ASB8: variants seen among roughly 807,000 people sequenced by gnomAD.
ASB8 encodes ankyrin repeat and SOCS box containing 8.
Under a neutral mutation model 22.9 loss-of-function variants are expected in ASB8, and 15 were observed. That is an observed-to-expected ratio of 0.66 (90% CI 0.44 to 1.01). ASB8 has a LOEUF of 1.01. Ranked by LOEUF, ASB8 falls within the 50% of genes least tolerant of loss-of-function variation. The pLI, the probability that ASB8 is intolerant of heterozygous loss-of-function variation, is 0.00. For synonymous variants in ASB8, 124 were observed against 140.8 expected (o/e 0.88, Z 0.84); for missense variants, 294 against 356.9 (o/e 0.82, Z 1.42).
At chr12:48,155,088 C>T (rs1320595685) in intron 1 of ASB8, among the ~76,000 whole-genome samples, 1 of 152,158 alleles carries the variant, frequency 6.6e-6, no homozygotes, top group East Asian at 1.9e-4. Context: ...TTCAATTCAA[C>T]TTAAAAGGCT....
chr12:48,151,559 G>T, intron 2 of ASB8: 1 of 1,470,128 alleles, frequency 6.8e-7, no homozygotes, highest in Non-Finnish European at 9.1e-7. Context: ...GCTGCCAGAT[G>T]GTCACCTGGA....
intron 3 of ASB8, 122 bp from the exon 4 acceptor site, chr12:48,150,120 G>T: frequency 9.4e-7 from 1 of 1,059,084 alleles, no homozygotes; most frequent in Non-Finnish European, 1.4e-6. Flanking sequence ...AGGAGGGTCA[G>T]CAAGCAACTC....
intron 1 of ASB8, among the ~76,000 whole-genome samples, chr12:48,154,743 GC>G (rs759654543): frequency 7.9e-5 from 12 of 152,132 alleles, no homozygotes; most frequent in South Asian, 4.1e-4. Flanking sequence ...TTCGAGACCA[GC>G]CTTACCAACA....
chr12:48,151,116 T>TG lies in ASB8; in HGVS notation c.234+84dup. 3.8e-6 allele frequency: 4 copies of TG among 1,041,558 alleles called. No individual in the cohort carries two copies. In the Admixed American group the frequency reaches 7.4e-5, roughly 19 times the overall value. The allele number at this position is 1,041,558 out of a possible 1,614,324, so 64.5% of individuals were successfully genotyped here. On this transcript the variant is annotated intron_variant, in intron 3 of 3. Coordinates refer to ENST00000317697, the MANE Select transcript of ASB8 (RefSeq NM_024095.5). The stretch of plus-strand genomic sequence containing the variant: ...AGTTCAGACTGGAGGAGGGAAGAGA[T>TG]GGAGGAGTGATGGGGAGAAATTCTA...
chr12:48,155,141 A>G (rs532557610), intron 1 of ASB8, among the ~76,000 whole-genome samples: 1 of 152,364 alleles, frequency 6.6e-6, no homozygotes, highest in East Asian at 1.9e-4. Flanking sequence ...TTAAAATTAC[A>G]GCCAATAAGG....
intron 1 of ASB8, among the ~76,000 whole-genome samples, chr12:48,155,744 T>A (rs201584996): frequency 0.25 from 29,522 of 118,716 alleles, 4,485 homozygotes; most frequent in Non-Finnish European, 0.36. Flanking sequence ...AAAAAAAAAA[T>A]ATATATATAT....
At chr12:48,155,252 A>G (rs1433140148) in intron 1 of ASB8, among the ~76,000 whole-genome samples, 1 of 152,196 alleles carries the variant, frequency 6.6e-6, no homozygotes, top group African/African-American at 2.4e-5. Context: ...CTGTGTTCTT[A>G]TTATAAGCTC....
At chr12:48,151,483 A>G (rs760265850) in intron 2 of ASB8, 178 bp from the exon 3 acceptor site, 19 of 1,114,028 alleles carry the variant, frequency 1.7e-5, no homozygotes, top group Non-Finnish European at 2.3e-5. Context: ...AAAGGAGTAC[A>G]CTGAAGATGA....
intron 1 of ASB8, among the ~76,000 whole-genome samples, chr12:48,155,739 A>C (rs1565930755): frequency 8.0e-6 from 1 of 125,688 alleles, no homozygotes; most frequent in Admixed American, 9.0e-5. Flanking sequence ...CAAAAAAAAA[A>C]AAAATATATA....
intron 2 of ASB8, among the ~76,000 whole-genome samples, chr12:48,152,196 A>G (rs888436294): frequency 6.6e-6 from 1 of 152,022 alleles, no homozygotes; most frequent in African/African-American, 2.4e-5. Context: ...CAGTCAGACC[A>G]AAGTCACTGA....
intron 1 of ASB8, among the ~76,000 whole-genome samples, chr12:48,155,564 A>G (rs975979510): frequency 6.6e-6 from 1 of 151,474 alleles, no homozygotes; most frequent in African/African-American, 2.4e-5. Flanking sequence ...TCTACTGAAA[A>G]TACAAAAAAA....
chr12:48,155,164 A>G lies in ASB8; in HGVS notation c.-33-1635T>C, dbSNP rs181311893. 1.6e-4 allele frequency among the ~76,000 whole-genome samples: 24 copies of G among 152,352 alleles called. No individual in the cohort carries two copies. The East Asian group carries it at 3.5e-3, about 22-fold the overall frequency. Reference sequence around the variant, plus strand: ...ACAGCCAATAAGGTAGAACACTTCTATGAAACAGTACATATCAAAAACAAT... The same window carrying G: ...ACAGCCAATAAGGTAGAACACTTCTGTGAAACAGTACATATCAAAAACAAT... On this transcript the variant is annotated intron_variant, in intron 1 of 3. Transcript: ENST00000317697.
rs372718877 is a variant in ASB8 at position 48,149,913 on chromosome 12, T to A, written c.320A>T (p.Tyr107Phe). Residue 107 changes from tyrosine (Y) to phenylalanine (F), a missense_variant, in exon 4 of 4, where the codon TAT becomes TTT. Physicochemically the swap from Tyr to Phe is conservative, Grantham distance 22 (BLOSUM62 3). Transcript: ENST00000317697. ...ATCCAAAGCATTGGGGTTTGCACCATACTCCAATAGGACCTCCACACAAGC... is the reference window on the plus strand; with the variant it reads ...ATCCAAAGCATTGGGGTTTGCACCAAACTCCAATAGGACCTCCACACAAGC... ...DEACVEVLLE[Y>F]GANPNALDGN... The A allele has an allele frequency of 2.5e-6, 4 of 1,614,078 alleles. No homozygotes were observed. The highest frequency in any genetic ancestry group is 2.5e-6 in the Non-Finnish European group (3 of 1,179,912).
At chr12:48,150,879 A>G (rs1951189179) in intron 3 of ASB8, 1 of 477,510 alleles carries the variant, frequency 2.1e-6, no homozygotes, top group East Asian at 3.4e-5. Context: ...AAACGGAAAT[A>G]TAAACAGCCC....
chr12:48,151,296 C>T lies in ASB8; in HGVS notation c.139G>A (p.Val47Met). ...TTCAGTGTGCCATGAGTGCAGTTCA[C>T]ATCTGCTCCCTGTGGGCAGAAGACA... Reference protein sequence around the residue: ...VEDLIRGGADVNCTHGTLKPL... With the variant: ...VEDLIRGGADMNCTHGTLKPL... The change falls in exon 3 of 4, where the codon GTG (valine) becomes ATG (methionine). Residue 47 changes from valine (V) to methionine (M), a missense_variant. Val to Met is a conservative substitution (Grantham distance 21, BLOSUM62 1). Transcript: ENST00000317697. 1 of 1,612,368 alleles carries T rather than the reference C, an allele frequency of 6.2e-7. No homozygotes were observed. Among genetic ancestry groups the T allele is most frequent in the Non-Finnish European group, 8.5e-7 (1 of 1,178,936 alleles).
At position 48,149,402 on chromosome 12, in the gene ASB8, T is replaced by G. The variant is rs991057516; in HGVS notation, c.831A>C (p.Pro277=). 6.2e-7 allele frequency: 1 copy of G among 1,613,936 alleles called. No individual in the cohort carries two copies. Residue 277 remains proline, a synonymous_variant, in exon 4 of 4, where the codon CCA becomes CCC. Transcript: ENST00000317697. ...LPDAVKGLPL[P]ASLKEYLLLL... is the part of the protein sequence containing the mutation. ...GTAACAGGTATTCCTTCAAAGAAGC[T>G]GGCAGTGGAAGGCCCTTCACTGCAT...
intron 1 of ASB8, among the ~76,000 whole-genome samples, chr12:48,154,344 G>A (rs909135869): frequency 3.3e-5 from 5 of 151,928 alleles, no homozygotes; most frequent in African/African-American, 4.8e-5. Context: ...AGCTGGACGT[G>A]GTGGTGGGCG....
At chr12:48,151,080 C>G (rs1220135120) in intron 3 of ASB8, 121 bp downstream of exon 3, 15 of 737,074 alleles carry the variant, frequency 2.0e-5, no homozygotes, top group Non-Finnish European at 3.5e-5. Flanking sequence ...CCAACATTAC[C>G]TTGAGTTAGA....
At chr12:48,150,999 A>G in intron 3 of ASB8, 1 of 610,428 alleles carries the variant, frequency 1.6e-6, no homozygotes. Flanking sequence ...GTGGGGACAG[A>G]AAGGTAAAAG....
Sources: gnomAD v4.1 joint callset for allele counts (sites outside exome capture counted in the v4.1 genomes callset) on GRCh38, gnomAD v4.1.1 for gene constraint, MANE v1.5 for transcripts, NCBI Gene and HGNC (gene_info 2026-07-23, HGNC 2026-07-21) for gene names.